HAS2: variants seen among roughly 807,000 people sequenced by gnomAD.
The protein encoded by HAS2 is HA synthase 2.
Under a neutral mutation model 51.6 loss-of-function variants are expected in HAS2, and 16 were observed. The ratio of observed to expected loss-of-function variants is 0.31; its 90% CI spans 0.21 to 0.47. The LOEUF (loss-of-function observed/expected upper bound fraction) is 0.47. Among genes scored for constraint, HAS2 ranks in the 20% least tolerant of loss-of-function variants. HAS2 has a pLI of 1.00. For missense variants in HAS2, 361 were observed against 662.6 expected (o/e 0.54, Z 5.00); for synonymous variants, 228 against 235.5 (o/e 0.97, Z 0.29).
chr8:121,628,028 A>G (rs1812876940), intron 2 of HAS2, among the ~76,000 whole-genome samples: 1 of 152,178 alleles, frequency 6.6e-6, no homozygotes, highest in Non-Finnish European at 1.5e-5. Context: ...CAGGAAATTA[A>G]TGGGAGACAC....
At chr8:121,640,606 C>A (rs1470312241) in intron 1 of HAS2, among the ~76,000 whole-genome samples, 1 of 151,988 alleles carries the variant, frequency 6.6e-6, no homozygotes, top group East Asian at 1.9e-4. Context: ...AGAGAGGCTA[C>A]CTGTGTCCCC....
At chr8:121,629,577 T>C (rs991970136) in intron 1 of HAS2, among the ~76,000 whole-genome samples, 8 of 152,160 alleles carry the variant, frequency 5.3e-5, no homozygotes, top group African/African-American at 1.9e-4. Context: ...GAGATGATGG[T>C]ACAGCATACT....
Position 121,641,158 on chromosome 8 carries a change from C to CTTTCTTTTTTTTTT in HAS2, c.-307_-306insAAAAAAAAAAGAAA, listed in dbSNP as rs1554597329. 3 of 57,016 alleles carry CTTTCTTTTTTTTTT rather than the reference C, an allele frequency of 5.3e-5. No homozygotes were observed. The highest frequency in any genetic ancestry group is 6.5e-5 in the Non-Finnish European group (2 of 30,856). The allele number at this position is 57,016 out of a possible 1,614,324, so 3.5% of individuals were successfully genotyped here. The stretch of plus-strand genomic sequence containing the variant: ...TAACTTTTCTTTTTTCTTTTCTTTT[C>CTTTCTTTTTTTTTT]TTTTTTTTTTTTTTTTTTTTTTGGG... On this transcript the variant is annotated 5_prime_UTR_variant, in exon 1 of 4. Coordinates refer to ENST00000303924, the MANE Select transcript of HAS2 (RefSeq NM_005328.3).
intron 1 of HAS2, among the ~76,000 whole-genome samples, chr8:121,632,754 T>G (rs1312499204): frequency 6.8e-6 from 1 of 147,048 alleles, no homozygotes; most frequent in Non-Finnish European, 1.5e-5. Context: ...ATCATCATCA[T>G]CATCATCATT....
intron 1 of HAS2, 35 bp from the exon 2 acceptor site, chr8:121,629,375 A>T: frequency 1.3e-6 from 2 of 1,548,678 alleles, no homozygotes; most frequent in Non-Finnish European, 1.8e-6. Context: ...TTGGTTAACC[A>T]TGATTGTCCC....
chr8:121,630,982 T>C (rs1812922759), intron 1 of HAS2, among the ~76,000 whole-genome samples: 2 of 152,214 alleles, frequency 1.3e-5, no homozygotes, highest in African/African-American at 4.8e-5. Context: ...TTCCTGAGCA[T>C]AGACTTGGTA....
At chr8:121,618,063 T>C (rs535203011) in intron 2 of HAS2, among the ~76,000 whole-genome samples, 1 of 152,036 alleles carries the variant, frequency 6.6e-6, no homozygotes, top group African/African-American at 2.4e-5. Context: ...ATTTTTGGAA[T>C]TAGTTTATAA....
rs903665544 is a variant in HAS2, at chr8:121,614,743, A to G, written c.1025T>C (p.Ile342Thr). ...ARSKCLTETP[I>T]EYLRWLNQQT... is the part of the protein sequence containing the mutation. ...CTGGTTTAGCCATCTGAGATATTCT[A>G]TAGGTGTTTCAGTAAGGCACTTAGA... The change falls in exon 4 of 4, where the codon ATA (isoleucine) becomes ACA (threonine). Residue 342 changes from isoleucine to threonine, a missense_variant. Coordinates refer to ENST00000303924, the MANE Select transcript of HAS2 (RefSeq NM_005328.3). This position sits in a 1 kb window ranked among gnomAD's most constrained non-coding sequence, Gnocchi z 7.2. The G allele has an allele frequency of 3.1e-6, 5 of 1,614,102 alleles. No homozygotes were observed. The highest frequency in any genetic ancestry group is 2.2e-5 in the South Asian group (2 of 91,092).
chr8:121,632,117 T>C (rs1293640949), intron 1 of HAS2, among the ~76,000 whole-genome samples: 2 of 152,194 alleles, frequency 1.3e-5, no homozygotes, highest in Admixed American at 1.3e-4. Flanking sequence ...CTGCAAGATA[T>C]CTCAGTGTTG....
At chr8:121,640,808 T>C (rs1265728582) in intron 1 of HAS2, 45 bp downstream of exon 1, 3 of 152,156 alleles carry the variant, frequency 2.0e-5, no homozygotes, top group East Asian at 1.9e-4. Flanking sequence ...CCCTGGCCTG[T>C]TGGAGGACCT....
chr8:121,613,639 G>A lies in HAS2; in HGVS notation c.*470C>T, dbSNP rs144202181. The stretch of plus-strand genomic sequence containing the variant: ...TATATCAAAATACAGCACAGCCAAC[G>A]GCCTTTAAAACTTCCTTTGGCATTT... On this transcript the variant is annotated 3_prime_UTR_variant, in exon 4 of 4. Coordinates refer to ENST00000303924, the MANE Select transcript of HAS2 (RefSeq NM_005328.3). 1.0e-3 allele frequency: 162 copies of A among 160,770 alleles called. No homozygotes were observed. Among genetic ancestry groups the A allele is most frequent in the Middle Eastern group, 3.4e-3 (1 of 296 alleles). The allele number at this position is 160,770 out of a possible 1,614,324, so 10.0% of individuals were successfully genotyped here. A position where few individuals can be genotyped will look rare whatever the true frequency, so the allele number is the denominator to read the frequency against.
chr8:121,633,136 CTTTT>C (rs71816016), intron 1 of HAS2, among the ~76,000 whole-genome samples: 3 of 128,014 alleles, frequency 2.3e-5, no homozygotes, highest in East Asian at 2.2e-4. Context: ...GTTTCCCTAC[CTTTT>C]TTTTTTTTTT....
intron 1 of HAS2, among the ~76,000 whole-genome samples, chr8:121,630,399 T>C (rs1030304296): frequency 9.9e-5 from 15 of 152,194 alleles, no homozygotes; most frequent in African/African-American, 3.4e-4. Context: ...GGACCATTTT[T>C]CCCAAAACAT....
rs190813976 is a variant in HAS2, at chr8:121,619,484, A to G, written c.628-2278T>C. Among the ~76,000 whole-genome samples, 17 of 152,042 alleles carry G rather than the reference A, an allele frequency of 1.1e-4. No homozygotes were observed. The East Asian group carries it at 3.3e-3, about 29-fold the overall frequency. On this transcript the variant is annotated intron_variant, in intron 2 of 3. Coordinates refer to ENST00000303924, the MANE Select transcript of HAS2 (RefSeq NM_005328.3). Reference sequence around the variant, plus strand: ...GAACTCATTTTCTAAATGAAACCCTATTGACTGTCTTTTTGTCATTCCATT... The same window carrying G: ...GAACTCATTTTCTAAATGAAACCCTGTTGACTGTCTTTTTGTCATTCCATT...
At position 121,632,761 on chromosome 8, in the gene HAS2, C is replaced by T. The variant is rs73320640; in HGVS notation, c.1-3421G>A. 6.2e-3 allele frequency among the ~76,000 whole-genome samples: 924 copies of T among 149,860 alleles called. 12 individuals carry two copies. Among genetic ancestry groups the T allele is most frequent in the African/African-American group, 0.022 (887 of 40,172 alleles). ...TCATCATCATCATCATCATCATCAT[C>T]ATTATTATAATGGTGGCTAACATTT... On this transcript the variant is annotated intron_variant, in intron 1 of 3. Coordinates refer to ENST00000303924, the MANE Select transcript of HAS2 (RefSeq NM_005328.3).
chr8:121,621,031 C>T (rs1374081648), intron 2 of HAS2, among the ~76,000 whole-genome samples: 1 of 152,166 alleles, frequency 6.6e-6, no homozygotes, highest in Non-Finnish European at 1.5e-5. Context: ...GCTTTTCACC[C>T]TGCAACAGCA....
intron 1 of HAS2, among the ~76,000 whole-genome samples, chr8:121,630,945 G>T (rs760836197): frequency 3.9e-5 from 6 of 152,242 alleles, no homozygotes; most frequent in Non-Finnish European, 8.8e-5. Context: ...CCTTAGTGTG[G>T]CTTCTTACCA....
intron 2 of HAS2, among the ~76,000 whole-genome samples, chr8:121,625,207 G>A (rs1812829899): frequency 6.7e-6 from 1 of 150,308 alleles, no homozygotes; most frequent in South Asian, 2.1e-4. Context: ...CTAAAAACAA[G>A]GGAAAAAACA....
At position 121,641,158 on chromosome 8, in the gene HAS2, C is replaced by CTTTTTTTTTTTTTTTTTTTTTTTTT. The variant is rs71573616; in HGVS notation, c.-307_-306insAAAAAAAAAAAAAAAAAAAAAAAAA. On this transcript the variant is annotated 5_prime_UTR_variant, in exon 1 of 4. Coordinates refer to ENST00000303924, the MANE Select transcript of HAS2 (RefSeq NM_005328.3). ...TAACTTTTCTTTTTTCTTTTCTTTT[C>CTTTTTTTTTTTTTTTTTTTTTTTTT]TTTTTTTTTTTTTTTTTTTTTTGGG... is the stretch of plus-strand genomic sequence containing the variant. 71 of 57,006 alleles carry CTTTTTTTTTTTTTTTTTTTTTTTTT rather than the reference C, an allele frequency of 1.2e-3. No individual in the cohort carries two copies. Among genetic ancestry groups the CTTTTTTTTTTTTTTTTTTTTTTTTT allele is most frequent in the Non-Finnish European group, 1.6e-3 (49 of 30,846 alleles). 3.5% of individuals were successfully genotyped at this position (57,006 alleles called of 1,614,324 possible).
Sources: gnomAD v4.1 joint callset for allele counts (sites outside exome capture counted in the v4.1 genomes callset) on GRCh38, gnomAD v4.1.1 for gene constraint, Gnocchi (gnomAD v3.1) non-coding constraint, MANE v1.5 for transcripts, NCBI Gene and HGNC (gene_info 2026-07-23, HGNC 2026-07-21) for gene names.